PALS2: variants seen among roughly 807,000 people sequenced by gnomAD.
PALS2 encodes protein PALS2.
In PALS2, 27 loss-of-function variants were observed where a neutral mutation model predicts 61.6. The observed-to-expected ratio is 0.44, with a 90% CI of 0.32 to 0.60. The LOEUF (loss-of-function observed/expected upper bound fraction) is 0.60. Among genes scored for constraint, PALS2 ranks in the 20% least tolerant of loss-of-function variants. The pLI is 0.05. For missense variants in PALS2, 554 were observed against 639.4 expected, an observed-to-expected ratio of 0.87 and a Z score of 1.44; for synonymous variants, 236 against 218.6, an observed-to-expected ratio of 1.08 and a Z score of -0.70.
chr7:24,591,401 C>T (rs1199357359), intron 1 of PALS2, among the ~76,000 whole-genome samples: 2 of 151,990 alleles, frequency 1.3e-5, no homozygotes, highest in Non-Finnish European at 2.9e-5. Flanking sequence ...TACGTGGGCT[C>T]TTACCATAAA....
At chr7:24,576,765 T>G (rs977911849) in intron 1 of PALS2, among the ~76,000 whole-genome samples, 1 of 152,156 alleles carries the variant, frequency 6.6e-6, no homozygotes, top group Admixed American at 6.5e-5. Flanking sequence ...ATCCAAACCC[T>G]TTAAACAAAT....
In PALS2 at chr7:24,575,738, A is replaced by C. The variant is rs967331404; in HGVS notation, c.-3+2145A>C. ...TCATATTATTGCTGAGAGAGTTACA[A>C]ATAATACAGGATTAGTGCTAGTCAA... is the stretch of plus-strand genomic sequence containing the variant. On this transcript the variant is annotated intron_variant, in intron 1 of 11. Coordinates refer to ENST00000222644, the MANE Select transcript of PALS2 (RefSeq NM_001303037.2). Among the ~76,000 whole-genome samples the C allele has an allele frequency of 2.6e-5, 4 of 152,318 alleles. No individual in the cohort carries two copies. The East Asian group carries it at 5.8e-4, about 22-fold the overall frequency.
intron 11 of PALS2, among the ~76,000 whole-genome samples, chr7:24,686,328 T>G (rs887285356): frequency 6.6e-6 from 1 of 152,110 alleles, no homozygotes; most frequent in Non-Finnish European, 1.5e-5. Context: ...CATGCCACAT[T>G]TTCACTCAAG....
chr7:24,675,225 G>A (rs891242883), intron 9 of PALS2, among the ~76,000 whole-genome samples: 2 of 151,994 alleles, frequency 1.3e-5, no homozygotes, highest in South Asian at 2.1e-4. Context: ...ATTTCAAGCA[G>A]CGCATTCCCC....
intron 2 of PALS2, among the ~76,000 whole-genome samples, chr7:24,632,854 A>G (rs1785058142): frequency 6.6e-6 from 1 of 152,098 alleles, no homozygotes; most frequent in Non-Finnish European, 1.5e-5. Flanking sequence ...CTTTAACTAA[A>G]CATTGTATGT....
At chr7:24,602,278 GT>G (rs1783747596) in intron 1 of PALS2, among the ~76,000 whole-genome samples, 1 of 151,826 alleles carries the variant, frequency 6.6e-6, no homozygotes, top group Non-Finnish European at 1.5e-5. Flanking sequence ...TTTTATAACT[GT>G]TTCTTTTTTC....
chr7:24,628,489 A>C (rs1031316312), intron 2 of PALS2, among the ~76,000 whole-genome samples: 1 of 152,200 alleles, frequency 6.6e-6, no homozygotes, highest in African/African-American at 2.4e-5. Flanking sequence ...CTCTTATTCA[A>C]CGTAGTATTG....
intron 9 of PALS2, among the ~76,000 whole-genome samples, chr7:24,670,239 C>G (rs1057029004): frequency 4.6e-5 from 7 of 152,056 alleles, no homozygotes; most frequent in African/African-American, 1.7e-4. Flanking sequence ...CTCTGGAGTT[C>G]TGTTTTTCTT....
At chr7:24,602,132 C>T (rs1783741185) in intron 1 of PALS2, among the ~76,000 whole-genome samples, 1 of 152,006 alleles carries the variant, frequency 6.6e-6, no homozygotes, top group African/African-American at 2.4e-5. Flanking sequence ...TATTTCCTCA[C>T]ATTTACCTTC....
At chr7:24,589,701 ATTT>A (rs1783209422) in intron 1 of PALS2, among the ~76,000 whole-genome samples, 1 of 152,118 alleles carries the variant, frequency 6.6e-6, no homozygotes, top group Non-Finnish European at 1.5e-5. Context: ...TGATCAATTT[ATTT>A]TTAATTAAGC....
At chr7:24,605,098 G>A (rs1783850576) in intron 1 of PALS2, among the ~76,000 whole-genome samples, 1 of 152,086 alleles carries the variant, frequency 6.6e-6, no homozygotes, top group African/African-American at 2.4e-5. Flanking sequence ...TTTGCAGAGG[G>A]GAACTGCCAA....
In PALS2 at chr7:24,667,282, G is replaced by T. The variant is rs550047188; in HGVS notation, c.952+1193G>T. Among the ~76,000 whole-genome samples, 4 of 152,102 alleles carry T rather than the reference G, an allele frequency of 2.6e-5. No individual in the cohort carries two copies. The South Asian group carries it at 6.2e-4, about 24-fold the overall frequency. On this transcript the variant is annotated intron_variant, in intron 8 of 11. Transcript: ENST00000222644. ...CCATCGACTAAGATTATAATTTTGG[G>T]TTATGTTTCTAGTGAAACAGTTGGA...
At chr7:24,673,249 T>TTC (rs1338950109) in intron 9 of PALS2, among the ~76,000 whole-genome samples, 3 of 152,212 alleles carry the variant, frequency 2.0e-5, no homozygotes, top group African/African-American at 7.2e-5. Context: ...TTGTGGTAAA[T>TTC]TCCATTTGGT....
At chr7:24,579,275 G>A (rs1174665073) in intron 1 of PALS2, among the ~76,000 whole-genome samples, 5 of 152,158 alleles carry the variant, frequency 3.3e-5, no homozygotes, top group Admixed American at 2.0e-4. Flanking sequence ...TACTTTTGAA[G>A]AGGCTATTAG....
At chr7:24,594,416 G>A (rs1043955534) in intron 1 of PALS2, among the ~76,000 whole-genome samples, 4 of 152,188 alleles carry the variant, frequency 2.6e-5, no homozygotes. Flanking sequence ...TGGCTGTTTA[G>A]CTCAAGAGGC....
intron 1 of PALS2, among the ~76,000 whole-genome samples, chr7:24,608,294 T>C (rs565736330): frequency 6.6e-6 from 1 of 152,172 alleles, no homozygotes; most frequent in Non-Finnish European, 1.5e-5. Flanking sequence ...GAGGTTTCAC[T>C]TAGTGTTTCT....
intron 2 of PALS2, among the ~76,000 whole-genome samples, chr7:24,636,614 A>T (rs1785250629): frequency 6.6e-6 from 1 of 152,232 alleles, no homozygotes; most frequent in Non-Finnish European, 1.5e-5. Flanking sequence ...ATGTATATAC[A>T]TGCATTGAAA....
At chr7:24,625,379 A>G (rs1047969979) in intron 2 of PALS2, among the ~76,000 whole-genome samples, 3 of 152,220 alleles carry the variant, frequency 2.0e-5, no homozygotes, top group South Asian at 2.1e-4. Flanking sequence ...ATAGTTTGCA[A>G]AGGTCTTTAA....
At chr7:24,575,908 A>G (rs1186870838) in intron 1 of PALS2, among the ~76,000 whole-genome samples, 1 of 152,212 alleles carries the variant, frequency 6.6e-6, no homozygotes, top group African/African-American at 2.4e-5. Context: ...CATTAGGTAT[A>G]TAATAGTTAA....
Sources: allele counts gnomAD v4.1 joint callset (sites outside exome capture counted in the v4.1 genomes callset), GRCh38; gene constraint gnomAD v4.1.1; transcripts MANE v1.5; gene names NCBI Gene and HGNC (gene_info 2026-07-23, HGNC 2026-07-21).